DPYD: variants seen among roughly 807,000 people sequenced by gnomAD.
The protein encoded by DPYD is dihydropyrimidine dehydrogenase, also known as dihydropyrimidine dehydrogenase [NADP(+)].
In DPYD, 109 loss-of-function variants were observed where a neutral mutation model predicts 116.2. That is an observed-to-expected ratio of 0.94 (90% CI 0.80 to 1.10). The LOEUF is 1.10. Ranked by LOEUF, DPYD falls within the 50% of genes least tolerant of loss-of-function variation. DPYD has a pLI of 0.00. For missense variants in DPYD, 1,302 were observed against 1,254.5 expected (o/e 1.04, Z -0.57); for synonymous variants, 440 against 432.0 (o/e 1.02, Z -0.23).
At chr1:97,488,764 C>T (rs936496286) in intron 13 of DPYD, among the ~76,000 whole-genome samples, 1 of 152,208 alleles carries the variant, frequency 6.6e-6, no homozygotes, top group Non-Finnish European at 1.5e-5. Flanking sequence ...AAGGTTACCG[C>T]CCCTTTCCAT....
chr1:97,859,238 T>C (rs1325139679), intron 2 of DPYD, among the ~76,000 whole-genome samples: 3 of 152,188 alleles, frequency 2.0e-5, no homozygotes, highest in African/African-American at 4.8e-5. Context: ...TATGATTGTG[T>C]TGTCTAGCAA....
chr1:97,265,503 T>G (rs913006114), intron 18 of DPYD: 2 of 152,190 alleles, frequency 1.3e-5, no homozygotes, highest in African/African-American at 4.8e-5. Context: ...AATATATGTT[T>G]AATGGATAAA....
At chr1:97,167,194 G>A (rs1656388904) in intron 20 of DPYD, among the ~76,000 whole-genome samples, 1 of 152,076 alleles carries the variant, frequency 6.6e-6, no homozygotes, top group Admixed American at 6.6e-5. Flanking sequence ...AAAAGTTTTA[G>A]TGTAGTTTAA....
intron 1 of DPYD, among the ~76,000 whole-genome samples, chr1:97,912,199 G>GAGAACGGC (rs373106435): frequency 0.038 from 5,771 of 151,994 alleles, 188 homozygotes; most frequent in Non-Finnish European, 0.056. Flanking sequence ...GCATGCAAAC[G>GAGAACGGC]AGAACGGCAG....
intron 3 of DPYD, among the ~76,000 whole-genome samples, chr1:97,812,833 C>T (rs1668402460): frequency 6.6e-6 from 1 of 151,966 alleles, no homozygotes; most frequent in East Asian, 1.9e-4. Flanking sequence ...AGTCAAGAAA[C>T]CCTTCTGCAA....
At position 97,296,363 on chromosome 1, in the gene DPYD, G is replaced by T. The variant is rs1666530739; in HGVS notation, c.2299+8896C>A. Among the ~76,000 whole-genome samples, 3 of 152,130 alleles carry T rather than the reference G, an allele frequency of 2.0e-5. No homozygotes were observed. The South Asian group carries it at 6.2e-4, about 32-fold the overall frequency. ...AGGTGTCCAAATATTTAGGTAAAAT[G>T]ACTATAATAAACTCCTTCCAGTTTA... is the stretch of plus-strand genomic sequence containing the variant. On this transcript the variant is annotated intron_variant, in intron 18 of 22. Coordinates refer to ENST00000370192, the MANE Select transcript of DPYD (RefSeq NM_000110.4).
At chr1:97,715,295 G>C (rs866596219) in intron 5 of DPYD, among the ~76,000 whole-genome samples, 3 of 152,134 alleles carry the variant, frequency 2.0e-5, no homozygotes, top group Admixed American at 6.6e-5. Context: ...ACTTTTCTTT[G>C]CACTAAGGTC....
intron 14 of DPYD, among the ~76,000 whole-genome samples, chr1:97,390,822 T>C (rs1672651738): frequency 6.6e-6 from 1 of 151,816 alleles, no homozygotes; most frequent in Non-Finnish European, 1.5e-5. Flanking sequence ...TAACTTGCTT[T>C]TTCCTCCCCT....
chr1:97,915,762 C>A (rs1378850313), intron 1 of DPYD, among the ~76,000 whole-genome samples: 2 of 152,126 alleles, frequency 1.3e-5, no homozygotes, highest in Non-Finnish European at 2.9e-5. Flanking sequence ...GGCTCTGCAA[C>A]ATATTTGTCA....
At chr1:97,098,737 G>T in intron 20 of DPYD, 105 bp from the exon 21 acceptor site, 1 of 1,363,202 alleles carries the variant, frequency 7.3e-7, no homozygotes, top group Non-Finnish European at 1.0e-6. Context: ...TGTGTCTAGG[G>T]ATTGTTTCAT....
chr1:97,910,930 CTTACA>C (rs1482404981), intron 1 of DPYD, among the ~76,000 whole-genome samples: 1 of 151,790 alleles, frequency 6.6e-6, no homozygotes, highest in Non-Finnish European at 1.5e-5. Flanking sequence ...TTATTTTACT[CTTACA>C]TTAAAATGTT....
At chr1:97,174,236 G>T (rs992733314) in intron 20 of DPYD, among the ~76,000 whole-genome samples, 4 of 152,128 alleles carry the variant, frequency 2.6e-5, no homozygotes, top group African/African-American at 9.7e-5. Context: ...CTCAGGCAAG[G>T]CCAGCTTTTG....
intron 3 of DPYD, among the ~76,000 whole-genome samples, chr1:97,788,142 T>C (rs925274680): frequency 2.0e-5 from 3 of 152,044 alleles, no homozygotes; most frequent in African/African-American, 4.8e-5. Flanking sequence ...TGGGGCAGCT[T>C]TGGGGAAGAA....
At chr1:97,203,654 G>C (rs13376487) in intron 19 of DPYD, among the ~76,000 whole-genome samples, 1 of 92,740 alleles carries the variant, frequency 1.1e-5, no homozygotes, top group African/African-American at 5.0e-5. Context: ...AATAAAGGAT[G>C]AGTTCAGACC....
intron 14 of DPYD, among the ~76,000 whole-genome samples, chr1:97,418,002 G>T (rs1674376886): frequency 6.6e-6 from 1 of 152,106 alleles, no homozygotes; most frequent in East Asian, 1.9e-4. Context: ...AAGCTATGCA[G>T]AATATCTTGA....
At chr1:97,432,302 G>A (rs929568520) in intron 14 of DPYD, among the ~76,000 whole-genome samples, 1 of 152,040 alleles carries the variant, frequency 6.6e-6, no homozygotes, top group Admixed American at 6.6e-5. Flanking sequence ...GCTTTCCATA[G>A]TGCCTATGCT....
chr1:97,298,714 C>G (rs777065955), intron 18 of DPYD, among the ~76,000 whole-genome samples: 1 of 152,034 alleles, frequency 6.6e-6, no homozygotes, highest in Admixed American at 6.6e-5. Flanking sequence ...GGATTTAGGA[C>G]GACGAATGGA....
intron 19 of DPYD, among the ~76,000 whole-genome samples, chr1:97,201,959 C>T (rs970893635): frequency 1.3e-5 from 2 of 150,970 alleles, no homozygotes; most frequent in Non-Finnish European, 2.9e-5. Flanking sequence ...AGCAGAATAC[C>T]ATCTTGTTTC....
chr1:97,497,519 C>T (rs1679339380), intron 13 of DPYD, among the ~76,000 whole-genome samples: 1 of 151,762 alleles, frequency 6.6e-6, no homozygotes, highest in Admixed American at 6.6e-5. Context: ...ATTATATTAA[C>T]CAGTTGCCAC....
Sources: allele counts gnomAD v4.1 joint callset (sites outside exome capture counted in the v4.1 genomes callset), GRCh38; gene constraint gnomAD v4.1.1; transcripts MANE v1.5; gene names NCBI Gene and HGNC (gene_info 2026-07-23, HGNC 2026-07-21).